BRF1: variants seen among roughly 807,000 people sequenced by gnomAD.
BRF1 encodes BRF1 general transcription factor IIIB subunit.
Under a neutral mutation model 81.7 loss-of-function variants are expected in BRF1, and 59 were observed. The ratio of observed to expected loss-of-function variants is 0.72; its 90% confidence interval spans 0.59 to 0.90. The LOEUF (loss-of-function observed/expected upper bound fraction) is 0.90. BRF1 is among the 40% of genes least tolerant of loss of function. BRF1 has a pLI of 0.00. For synonymous variants in BRF1, 491 were observed against 395.6 expected (o/e 1.24, Z -2.86); for missense variants, 1,050 against 936.3 (o/e 1.12, Z -1.58).
At chr14:105,272,076 G>A (rs868212224) in intron 3 of BRF1, among the ~76,000 whole-genome samples, 16 of 85,814 alleles carry the variant, frequency 1.9e-4, no homozygotes, top group Admixed American at 9.4e-4. Flanking sequence ...ACCGCCTGCA[G>A]TCACGGTGTC....
At chr14:105,229,544 C>G (rs1252964252) in intron 6 of BRF1, among the ~76,000 whole-genome samples, 1 of 152,218 alleles carries the variant, frequency 6.6e-6, no homozygotes, top group Non-Finnish European at 1.5e-5. Context: ...GCCACGGCCA[C>G]ATCCACCCAC....
At position 105,226,723 on chromosome 14, in the gene BRF1, T is replaced by C; in HGVS notation, c.826A>G (p.Thr276Ala). Residue 276 changes from threonine (T) to alanine (A), a missense_variant, in exon 8 of 18, where the codon ACC becomes GCC. Transcript: ENST00000547530. ...TCGATCTTCATGAACTCATCAATGG[T>C]CAACTGACTGGTGGGGGTGTCTTCA... is the stretch of plus-strand genomic sequence containing the variant. ...EFEDTPTSQL[T>A]IDEFMKIDLE... 6.2e-7 allele frequency: 1 copy of C among 1,613,728 alleles called. No individual in the cohort carries two copies. Among genetic ancestry groups the C allele is most frequent in the Non-Finnish European group, 8.5e-7 (1 of 1,180,014 alleles).
intron 4 of BRF1, among the ~76,000 whole-genome samples, chr14:105,252,805 A>G (rs1427169527): frequency 1.3e-5 from 2 of 152,208 alleles, no homozygotes; most frequent in Non-Finnish European, 2.9e-5. Context: ...CGTCTCGCCA[A>G]TGATGGCATC....
chr14:105,211,275 G>C lies in BRF1; in HGVS notation c.1843C>G (p.Pro615Ala), dbSNP rs1162055314. ...ATGEALLPSS[P>A]TLGAEPARPQ... is the part of the protein sequence containing the mutation. ...CTGGCAGGCTCAGCTCCGAGGGTGG[G>C]AGAGCTTGGGAGCAAAGCCTGGAAC... Residue 615 changes from proline to alanine, a missense_variant, in exon 17 of 18, where the codon CCC (proline) becomes GCC (alanine). By Grantham distance (27) the Pro-to-Ala change is conservative (BLOSUM62 -1). Around this residue, in one of 2 missense-constraint regions of BRF1, gnomAD observed 1,043 missense variants for 915.4 expected, o/e 1.14. Coordinates refer to ENST00000547530, the MANE Select transcript of BRF1 (RefSeq NM_001519.4). The C allele has an allele frequency of 6.2e-7, 1 of 1,600,918 alleles. No individual in the cohort carries two copies. The highest frequency in any genetic ancestry group is 2.2e-5 in the East Asian group (1 of 44,628).
At chr14:105,262,763 T>C (rs188765772) in intron 3 of BRF1, among the ~76,000 whole-genome samples, 32 of 152,238 alleles carry the variant, frequency 2.1e-4, no homozygotes, top group African/African-American at 7.7e-4. Flanking sequence ...ACCAGGCACA[T>C]GGATGGCCCC....
At chr14:105,249,242 C>A (rs1281810455) in intron 5 of BRF1, 1 of 1,579,704 alleles carries the variant, frequency 6.3e-7, no homozygotes, top group Admixed American at 1.8e-5. Flanking sequence ...GGTGCCCGCC[C>A]ACAAGGTGGG....
chr14:105,286,320 A>T lies in BRF1; in HGVS notation c.241T>A (p.Ser81Thr), dbSNP rs754004772. The T allele has an allele frequency of 6.2e-7, 1 of 1,613,562 alleles. No individual in the cohort carries two copies. The highest frequency in any genetic ancestry group is 8.5e-7 in the Non-Finnish European group (1 of 1,179,846). Residue 81 changes from serine (S) to threonine (T), a missense_variant, in exon 2 of 18, where the codon TCG (serine) becomes ACG (threonine). Physicochemically the swap from Ser to Thr is moderately conservative, Grantham distance 58 (BLOSUM62 1). Transcript: ENST00000547530. Reference sequence around the variant, plus strand: ...CCATTCTGCAGGGTCTGCGCTCTCGACTCCTTCCCCAGATTCACGTGGAAG... The same window carrying T: ...CCATTCTGCAGGGTCTGCGCTCTCGTCTCCTTCCCCAGATTCACGTGGAAG... ...GGFHVNLGKE[S>T]RAQTLQNGRR...
At chr14:105,220,254 C>T in intron 11 of BRF1, 124 bp from the exon 12 acceptor site, 1 of 1,048,212 alleles carries the variant, frequency 9.5e-7, no homozygotes, top group South Asian at 1.3e-5. Flanking sequence ...CCGTCCCCTC[C>T]TCTGCACTGG....
chr14:105,262,870 T>C (rs1002170867), intron 3 of BRF1, among the ~76,000 whole-genome samples: 9 of 151,606 alleles, frequency 5.9e-5, no homozygotes, highest in Non-Finnish European at 7.4e-5. Context: ...AGTCTGGCAG[T>C]GCCAGGCCAG....
At chr14:105,229,432 CG>C in intron 6 of BRF1, among the ~76,000 whole-genome samples, 1 of 152,204 alleles carries the variant, frequency 6.6e-6, no homozygotes, top group Non-Finnish European at 1.5e-5. Context: ...CCTGGCCTGC[CG>C]GGTAGAGTGG....
intron 3 of BRF1, among the ~76,000 whole-genome samples, chr14:105,263,372 T>C (rs937925106): frequency 6.6e-6 from 1 of 151,926 alleles, no homozygotes; most frequent in Non-Finnish European, 1.5e-5. Flanking sequence ...GGAAGCAACT[T>C]CAACAAGCGA....
chr14:105,272,690 C>T (rs2056708454), intron 3 of BRF1, 31 bp downstream of exon 3: 1 of 1,561,884 alleles, frequency 6.4e-7, no homozygotes, highest in African/African-American at 1.4e-5. Context: ...CAAGATGGGG[C>T]CCTCTGGGAG....
chr14:105,312,454 A>G (rs1253212335), intron 1 of BRF1, among the ~76,000 whole-genome samples: 1 of 152,154 alleles, frequency 6.6e-6, no homozygotes, highest in Non-Finnish European at 1.5e-5. Flanking sequence ...CTCCTCCCCA[A>G]CCGTGCCCAG....
chr14:105,280,720 G>C (rs2057040455), intron 2 of BRF1, among the ~76,000 whole-genome samples: 1 of 151,650 alleles, frequency 6.6e-6, no homozygotes. Context: ...GTCCGGGTGT[G>C]CGGATACAGC....
intron 16 of BRF1, 83 bp from the exon 17 acceptor site, chr14:105,211,376 C>A: frequency 7.7e-7 from 1 of 1,306,936 alleles, no homozygotes; most frequent in Non-Finnish European, 1.0e-6. Context: ...CCAGGGCTGG[C>A]CCAGGATGCT....
At chr14:105,295,552 A>C (rs2057701345) in intron 1 of BRF1, among the ~76,000 whole-genome samples, 1 of 151,782 alleles carries the variant, frequency 6.6e-6, no homozygotes, top group African/African-American at 2.4e-5. Flanking sequence ...CGACTGCAGT[A>C]AGCCATGACC....
intron 5 of BRF1, chr14:105,249,647 T>C (rs1403712338): frequency 1.2e-6 from 2 of 1,611,228 alleles, no homozygotes; most frequent in Non-Finnish European, 1.7e-6. Context: ...TAGGTACATG[T>C]ACAGTGATGA....
intron 3 of BRF1, among the ~76,000 whole-genome samples, chr14:105,262,566 G>A (rs1309134459): frequency 6.6e-6 from 1 of 152,176 alleles, no homozygotes. Flanking sequence ...ATCATGCATG[G>A]CCTCTGTGAA....
At chr14:105,245,628 G>T (rs774942277) in intron 5 of BRF1, among the ~76,000 whole-genome samples, 1 of 152,168 alleles carries the variant, frequency 6.6e-6, no homozygotes, top group Non-Finnish European at 1.5e-5. Flanking sequence ...GACAATGACA[G>T]ACAGATGACC....
Sources: allele counts gnomAD v4.1 joint callset (sites outside exome capture counted in the v4.1 genomes callset), GRCh38; gene constraint gnomAD v4.1.1; regional missense constraint gnomAD v4.1.1; transcripts MANE v1.5; gene names NCBI Gene and HGNC (gene_info 2026-07-23, HGNC 2026-07-21).